The following ZNF331 variants were observed in gnomAD, a reference collection of about 807,000 sequenced individuals.
ZNF331 encodes zinc finger protein 331, also known as C2H2-like zinc finger protein rearranged in thyroid adenomas.
A neutral mutation model predicts 7.0 loss-of-function variants in ZNF331; 2 were observed. The observed-to-expected ratio is 0.29, with a 90% confidence interval of 0.12 to 0.90. The LOEUF is 0.90. ZNF331 is among the 40% of genes least tolerant of loss of function. ZNF331 has a pLI of 0.58. For missense variants in ZNF331, 432 were observed against 587.7 expected, an observed-to-expected ratio of 0.74 and a Z score of 2.74; for synonymous variants, 196 against 205.4, an observed-to-expected ratio of 0.95 and a Z score of 0.39.
intron 2 of ZNF331, among the ~76,000 whole-genome samples, chr19:53,553,637 C>T (rs2089160511): frequency 6.6e-6 from 1 of 152,190 alleles, no homozygotes; most frequent in Non-Finnish European, 1.5e-5. Flanking sequence ...CCTGTAGACC[C>T]TGTGACATTA....
chr19:53,555,980 C>T (rs1244387223), intron 3 of ZNF331, 72 bp downstream of exon 3: 1 of 150,802 alleles, frequency 6.6e-6, no homozygotes, highest in South Asian at 2.1e-4. Context: ...CGCAGTGGCT[C>T]ACGCCTGTAA....
At chr19:53,524,097 C>T (rs994879710) in intron 2 of ZNF331, among the ~76,000 whole-genome samples, 3 of 152,204 alleles carry the variant, frequency 2.0e-5, no homozygotes, top group African/African-American at 7.2e-5. Flanking sequence ...ATGAACTCAT[C>T]CTTTTTTATG....
the ZNF331 span, chr19:53,512,821 G>C: frequency 5.3e-5 from 8 of 149,614 alleles, no homozygotes; most frequent in African/African-American, 1.5e-4. Context: ...TGGGTTGCAT[G>C]CTCTTTATGA....
At chr19:53,508,867 G>A in the ZNF331 span, among the ~76,000 whole-genome samples, 1 of 152,146 alleles carries the variant, frequency 6.6e-6, no homozygotes, top group Non-Finnish European at 1.5e-5. Flanking sequence ...GGGATCATGA[G>A]AATAAAGATG....
intron 3 of ZNF331, among the ~76,000 whole-genome samples, chr19:53,559,509 TACATATATACACACATATACACAC>T (rs1307400737): frequency 2.7e-5 from 4 of 146,834 alleles, no homozygotes; most frequent in Admixed American, 6.8e-5. Flanking sequence ...TATACACACC[TACATATATACACACATATACACAC>T]ACGCCATATA....
chr19:53,575,250 T>C (rs1488857212), intron 5 of ZNF331, among the ~76,000 whole-genome samples: 2 of 152,014 alleles, frequency 1.3e-5, no homozygotes, highest in Non-Finnish European at 2.9e-5. Context: ...ATTGCCAGTT[T>C]TTATAATAAA....
At chr19:53,554,275 G>T (rs766011522) in intron 2 of ZNF331, among the ~76,000 whole-genome samples, 1 of 152,214 alleles carries the variant, frequency 6.6e-6, no homozygotes, top group Non-Finnish European at 1.5e-5. Context: ...ATGTGTCAGC[G>T]TCTGTGCACG....
chr19:53,515,654 C>T (rs772541275), upstream of ZNF331, among the ~76,000 whole-genome samples: 11 of 152,256 alleles, frequency 7.2e-5, no homozygotes, highest in Middle Eastern at 3.4e-3. Flanking sequence ...TGTGCCACCA[C>T]GCCCGGCTAA....
rs138542471 is a variant in ZNF331, at chr19:53,579,304, G to A, written c.*1352G>A. The stretch of plus-strand genomic sequence containing the variant: ...TGGAATAACCCTGCTAATGTAACAC[G>A]TGAGAAAGCCTTTGGTCATGCCACC... On this transcript the variant is annotated 3_prime_UTR_variant, in exon 6 of 6. Transcript: ENST00000449416. The A allele has an allele frequency of 2.8e-3, 619 of 221,132 alleles. 4 individuals are homozygous for A. Among genetic ancestry groups the A allele is most frequent in the African/African-American group, 0.013 (588 of 44,722 alleles). 13.7% of individuals were successfully genotyped at this position (221,132 alleles called of 1,614,324 possible).
chr19:53,561,781 A>G (rs2089900101), intron 3 of ZNF331, among the ~76,000 whole-genome samples: 2 of 152,090 alleles, frequency 1.3e-5, no homozygotes, highest in Admixed American at 6.6e-5. Context: ...TCAGCCCAAG[A>G]GGTTAAGGCT....
At chr19:53,512,983 A>T in the ZNF331 span, among the ~76,000 whole-genome samples, 214 of 127,830 alleles carry the variant, frequency 1.7e-3, no homozygotes, top group Middle Eastern at 0.031. Context: ...AAGGAAGCAC[A>T]TGGTTGAGAA....
intron 3 of ZNF331, among the ~76,000 whole-genome samples, chr19:53,559,481 AC>A (rs1471854153): frequency 6.6e-6 from 1 of 151,478 alleles, no homozygotes; most frequent in African/African-American, 2.4e-5. Context: ...ACACATGCAC[AC>A]ACCATATATA....
chr19:53,559,738 T>TAC (rs1457813960), intron 3 of ZNF331, among the ~76,000 whole-genome samples: 1 of 57,172 alleles, frequency 1.7e-5, no homozygotes, highest in African/African-American at 1.3e-4. Context: ...TATATACACA[T>TAC]ATACACCATA....
Position 53,571,867 on chromosome 19 carries a change from G to A in ZNF331, c.136+137G>A. On this transcript the variant is annotated intron_variant, in intron 5 of 5. Transcript: ENST00000449416. This position sits in a 1 kb window ranked among gnomAD's most constrained non-coding sequence, Gnocchi z 4.7. ...AAGGAATGTATTGAGCCTTATTGATGTGGCCGTGAGCACCACAACCTTCCC... is the reference window on the plus strand; with the variant it reads ...AAGGAATGTATTGAGCCTTATTGATATGGCCGTGAGCACCACAACCTTCCC... The A allele has an allele frequency of 1.7e-6, 2 of 1,191,260 alleles. No individual in the cohort carries two copies. The highest frequency in any genetic ancestry group is 2.3e-6 in the Non-Finnish European group (2 of 877,116). 73.8% of individuals were successfully genotyped at this position (1,191,260 alleles called of 1,614,324 possible).
At position 53,573,883 on chromosome 19, in the gene ZNF331, C is replaced by T. The variant is rs1600501533; in HGVS notation, c.136+2153C>T. Among the ~76,000 whole-genome samples, 1 of 152,144 alleles carries T rather than the reference C, an allele frequency of 6.6e-6. No homozygotes were observed. The highest frequency in any genetic ancestry group is 1.5e-5 in the Non-Finnish European group (1 of 68,018). ...ATCCCAGCACTTTGGGAGTCCAAGG[C>T]GGGCAGATCACCTGAAGTCAGGACT... On this transcript the variant is annotated intron_variant, in intron 5 of 5. Coordinates refer to ENST00000449416, the MANE Select transcript of ZNF331 (RefSeq NM_001079906.2). The surrounding 1 kb of genome is among the most constrained non-coding windows in gnomAD (Gnocchi z 4.2).
chr19:53,508,483 A>C, the ZNF331 span, among the ~76,000 whole-genome samples: 1 of 152,090 alleles, frequency 6.6e-6, no homozygotes, highest in African/African-American at 2.4e-5. Flanking sequence ...TTGATCCATC[A>C]ATGTTGTTTA....
At position 53,578,011 on chromosome 19, in the gene ZNF331, T is replaced by C. The variant is rs897319829; in HGVS notation, c.*59T>C. 5 of 1,523,724 alleles carry C rather than the reference T, an allele frequency of 3.3e-6. No homozygotes were observed. The Admixed American group carries it at 1.1e-4, about 33-fold the overall frequency. 94.4% of individuals were successfully genotyped at this position (1,523,724 alleles called of 1,614,324 possible). ...TATGGTTTCGCTTTCCACAGTTTGT[T>C]ACCTGCAGTCAACTGCAGTTCAAAA... On this transcript the variant is annotated 3_prime_UTR_variant, in exon 6 of 6. Coordinates refer to ENST00000449416, the MANE Select transcript of ZNF331 (RefSeq NM_001079906.2).
intron 3 of ZNF331, among the ~76,000 whole-genome samples, chr19:53,561,660 C>T (rs1474858274): frequency 6.6e-6 from 1 of 152,048 alleles, no homozygotes; most frequent in Non-Finnish European, 1.5e-5. Context: ...TGAGACCAAC[C>T]TGAGCAACAT....
chr19:53,528,987 A>T lies in ZNF331; in HGVS notation c.-205+6303A>T, dbSNP rs187168172. Among the ~76,000 whole-genome samples the T allele has an allele frequency of 3.2e-4, 48 of 152,102 alleles. No homozygotes were observed. In the Middle Eastern group the frequency reaches 0.017, roughly 54 times the overall value. ...TTTTTAGTAGAGACGAGGTTTCACA[A>T]TGTTGGCCAGGCTGCTCTCAAACAA... On this transcript the variant is annotated intron_variant, in intron 2 of 6. Coordinates refer to the ZNF331 transcript ENST00000253144.
Sources: gnomAD v4.1 joint callset for allele counts (sites outside exome capture counted in the v4.1 genomes callset) on GRCh38, gnomAD v4.1.1 for gene constraint, Gnocchi (gnomAD v3.1) non-coding constraint, MANE v1.5 for transcripts, NCBI Gene and HGNC (gene_info 2026-07-23, HGNC 2026-07-21) for gene names.